CA8: variants seen among roughly 807,000 people sequenced by gnomAD.
The protein encoded by CA8 is carbonic anhydrase 8 (inactive).
Under a neutral mutation model 41.4 loss-of-function variants are expected in CA8, and 22 were observed. The ratio of observed to expected loss-of-function variants is 0.53; its 90% confidence interval spans 0.38 to 0.76. The LOEUF is 0.76. Among genes scored for constraint, CA8 ranks in the 30% least tolerant of loss-of-function variants. The probability of loss-of-function intolerance (pLI) is 0.00; values close to 1 mark genes in which losing one functional copy is unlikely to be tolerated. For missense variants in CA8, 270 were observed against 352.8 expected (o/e 0.77, Z 1.88); for synonymous variants, 121 against 130.6 (o/e 0.93, Z 0.50).
intron 3 of CA8, among the ~76,000 whole-genome samples, chr8:60,242,996 C>T (rs1362359766): frequency 1.3e-5 from 2 of 152,172 alleles, no homozygotes; most frequent in African/African-American, 2.4e-5. Context: ...GCCAGATCAC[C>T]GCCATAGAGC....
intron 8 of CA8, among the ~76,000 whole-genome samples, chr8:60,199,116 T>C: frequency 6.6e-6 from 1 of 152,202 alleles, no homozygotes; most frequent in East Asian, 1.9e-4. Context: ...CCAGTTATAT[T>C]CATGAAAAAA....
At chr8:60,241,919 T>A (rs78862140) in intron 3 of CA8, among the ~76,000 whole-genome samples, 2 of 152,216 alleles carry the variant, frequency 1.3e-5, no homozygotes, top group Non-Finnish European at 2.9e-5. Flanking sequence ...AGTGAATCAG[T>A]GACTAATGGC....
chr8:60,208,938 G>T lies in CA8; in HGVS notation c.739-19C>A. 6.2e-7 allele frequency: 1 copy of T among 1,612,900 alleles called. No individual in the cohort carries two copies. Among genetic ancestry groups the T allele is most frequent in the East Asian group, 2.2e-5 (1 of 44,832 alleles). ...CTTCTATCTGAAAATAAAAGCAGAA[G>T]AAAATAGATTAATCAATTATCGGAC... On this transcript the variant is annotated intron_variant, in intron 7 of 8. Coordinates refer to ENST00000317995, the MANE Select transcript of CA8 (RefSeq NM_004056.6).
intron 8 of CA8, among the ~76,000 whole-genome samples, chr8:60,203,306 A>T (rs186447106): frequency 6.6e-6 from 1 of 152,244 alleles, no homozygotes; most frequent in Non-Finnish European, 1.5e-5. Flanking sequence ...TAGAAAACTG[A>T]AGGTCAGGTA....
At chr8:60,199,114 A>T (rs1806354789) in intron 8 of CA8, among the ~76,000 whole-genome samples, 2 of 152,154 alleles carry the variant, frequency 1.3e-5, no homozygotes, top group Admixed American at 1.3e-4. Flanking sequence ...AACCAGTTAT[A>T]TTCATGAAAA....
At chr8:60,222,307 C>A (rs1036108836) in intron 7 of CA8, among the ~76,000 whole-genome samples, 1 of 151,798 alleles carries the variant, frequency 6.6e-6, no homozygotes, top group Non-Finnish European at 1.5e-5. Context: ...GAGTGACTTA[C>A]AGAAATAACC....
chr8:60,197,431 CA>C lies in CA8; in HGVS notation c.*36-7447del, dbSNP rs771990026. On this transcript the variant is annotated intron_variant, in intron 8 of 8. Coordinates refer to ENST00000317995, the MANE Select transcript of CA8 (RefSeq NM_004056.6). The stretch of plus-strand genomic sequence containing the variant: ...CATTTTTGAATCCTTACACTGTGGA[CA>C]AAAAAAAAAATGTTAAGCACTTTAA... Among the ~76,000 whole-genome samples the C allele has an allele frequency of 8.2e-3, 1,156 of 141,068 alleles. 15 individuals carry two copies. The highest frequency in any genetic ancestry group is 0.026 in the African/African-American group (1,011 of 38,872). 92.5% of individuals were successfully genotyped at this position (141,068 alleles called of 152,430 possible).
chr8:60,201,594 T>C (rs894647439), intron 8 of CA8, among the ~76,000 whole-genome samples: 1 of 152,174 alleles, frequency 6.6e-6, no homozygotes, highest in African/African-American at 2.4e-5. Flanking sequence ...GTATCATTTT[T>C]TGGTGAGGAA....
At chr8:60,245,591 C>T (rs1459511436) in intron 3 of CA8, among the ~76,000 whole-genome samples, 1 of 152,178 alleles carries the variant, frequency 6.6e-6, no homozygotes, top group Non-Finnish European at 1.5e-5. Flanking sequence ...AATAAAATAA[C>T]AGTGCTATAG....
At chr8:60,271,162 G>A (rs1804058824) in intron 2 of CA8, among the ~76,000 whole-genome samples, 1 of 152,104 alleles carries the variant, frequency 6.6e-6, no homozygotes, top group Admixed American at 6.5e-5. Flanking sequence ...GGGTAACATA[G>A]CAAGACCCCT....
At chr8:60,206,558 G>A (rs1806588396) in intron 8 of CA8, among the ~76,000 whole-genome samples, 1 of 152,084 alleles carries the variant, frequency 6.6e-6, no homozygotes, top group Non-Finnish European at 1.5e-5. Context: ...TTCACGCTTT[G>A]CAACCCTCAT....
chr8:60,190,432 AATATAT>A (rs57878452), intron 8 of CA8, among the ~76,000 whole-genome samples: 9,669 of 98,952 alleles, frequency 0.098, 477 homozygotes, highest in East Asian at 0.11. Context: ...ATAAATGCAG[AATATAT>A]ATATATATAT....
chr8:60,273,809 C>T (rs1804144530), intron 2 of CA8, among the ~76,000 whole-genome samples: 1 of 152,198 alleles, frequency 6.6e-6, no homozygotes, highest in Non-Finnish European at 1.5e-5. Context: ...GTGACCTTGG[C>T]TTGAGAAGTT....
At position 60,187,468 on chromosome 8, in the gene CA8, A is replaced by G. The variant is rs761253713; in HGVS notation, c.*2553T>C. ...GCAGAAGTTAGTCTGCTTTCTTACT[A>G]ATCTTACTATTTTGTAAGATTTGAG... is the stretch of plus-strand genomic sequence containing the variant. On this transcript the variant is annotated 3_prime_UTR_variant, in exon 9 of 9. Coordinates refer to ENST00000317995, the MANE Select transcript of CA8 (RefSeq NM_004056.6). 6.6e-6 allele frequency: 1 copy of G among 152,158 alleles called. No homozygotes were observed. The highest frequency in any genetic ancestry group is 2.4e-5 in the African/African-American group (1 of 41,458). The allele number at this position is 152,158 out of a possible 1,614,324, so 9.4% of individuals were successfully genotyped here. A position where few individuals can be genotyped will look rare whatever the true frequency, so the allele number is the denominator to read the frequency against.
intron 6 of CA8, 49 bp from the exon 7 acceptor site, chr8:60,222,810 C>A: frequency 8.9e-7 from 1 of 1,121,848 alleles, no homozygotes; most frequent in Middle Eastern, 1.9e-4. Context: ...GAATTAATAA[C>A]AATCCTGATG....
chr8:60,251,817 G>C (rs996627247), intron 3 of CA8, among the ~76,000 whole-genome samples: 1 of 152,136 alleles, frequency 6.6e-6, no homozygotes, highest in African/African-American at 2.4e-5. Flanking sequence ...GGGCAATCAA[G>C]TATAATTTTT....
chr8:60,200,231 C>A (rs1806384628), intron 8 of CA8, among the ~76,000 whole-genome samples: 1 of 152,190 alleles, frequency 6.6e-6, no homozygotes, highest in African/African-American at 2.4e-5. Flanking sequence ...TCTTGGACTT[C>A]CTAGCCTCTA....
chr8:60,197,078 T>C (rs185453821), intron 8 of CA8, among the ~76,000 whole-genome samples: 67 of 152,218 alleles, frequency 4.4e-4, no homozygotes, highest in African/African-American at 1.5e-3. Context: ...AACATAAACA[T>C]AGAACTCTTG....
chr8:60,194,588 C>A (rs1050355360), intron 8 of CA8, among the ~76,000 whole-genome samples: 1 of 152,152 alleles, frequency 6.6e-6, no homozygotes, highest in Non-Finnish European at 1.5e-5. Context: ...TATCTCCAGT[C>A]CACCAAGGCT....
Sources: allele counts gnomAD v4.1 joint callset (sites outside exome capture counted in the v4.1 genomes callset), GRCh38; gene constraint gnomAD v4.1.1; transcripts MANE v1.5; gene names NCBI Gene and HGNC (gene_info 2026-07-23, HGNC 2026-07-21).